Variants in SLC35F3 observed in about 807,000 individuals in gnomAD.
SLC35F3 encodes the protein putative thiamine transporter SLC35F3.
SLC35F3 carries 25 observed loss-of-function variants against 49.9 expected under a neutral mutation model. That is an observed-to-expected ratio of 0.50 (90% CI 0.37 to 0.70). The LOEUF (loss-of-function observed/expected upper bound fraction) is 0.70. SLC35F3 is among the 30% of genes least tolerant of loss of function. SLC35F3 has a pLI of 0.00. For synonymous variants in SLC35F3, 275 were observed against 265.4 expected, an observed-to-expected ratio of 1.04 and a Z score of -0.35; for missense variants, 525 against 639.8, an observed-to-expected ratio of 0.82 and a Z score of 1.94.
intron 2 of SLC35F3, among the ~76,000 whole-genome samples, chr1:234,125,095 G>A (rs1572061018): frequency 6.6e-6 from 1 of 151,706 alleles, no homozygotes. Context: ...AAATAATCCA[G>A]TGTGGCTCCT....
intron 2 of SLC35F3, among the ~76,000 whole-genome samples, chr1:234,067,529 G>A (rs1042390225): frequency 1.1e-4 from 17 of 152,310 alleles, no homozygotes; most frequent in Admixed American, 1.0e-3. Context: ...CAGCTGACTT[G>A]CTTAGCCTAA....
chr1:234,142,552 T>C (rs943625700), intron 2 of SLC35F3, among the ~76,000 whole-genome samples: 1 of 152,148 alleles, frequency 6.6e-6, no homozygotes, highest in Non-Finnish European at 1.5e-5. Context: ...GGAGTTTCAT[T>C]TTCATTAAAT....
Position 234,047,813 on chromosome 1 carries a change from T to G in SLC35F3, c.283+142055T>G, listed in dbSNP as rs1664316505. Among the ~76,000 whole-genome samples the G allele has an allele frequency of 1.3e-5, 2 of 152,176 alleles. 1 individual carries two copies. Among genetic ancestry groups the G allele is most frequent in the African/African-American group, 4.8e-5 (2 of 41,436 alleles). On this transcript the variant is annotated intron_variant, in intron 2 of 7. Transcript: ENST00000366618. ...CCATGCTAGTAAAACATTAGATTAC[T>G]GTGAAGGGACTGTTGATAGAAATAT...
chr1:234,243,930 A>G (rs1667592828), intron 3 of SLC35F3, among the ~76,000 whole-genome samples: 1 of 152,228 alleles, frequency 6.6e-6, no homozygotes, highest in Non-Finnish European at 1.5e-5. Context: ...TCCCTGTTCC[A>G]CTGGCCACAT....
At chr1:234,316,832 C>T in intron 5 of SLC35F3, 105 bp downstream of exon 5, 3 of 1,398,658 alleles carry the variant, frequency 2.1e-6, no homozygotes, top group Non-Finnish European at 2.9e-6. Flanking sequence ...CTGATGATAC[C>T]TGTGCTTCAG....
intron 2 of SLC35F3, among the ~76,000 whole-genome samples, chr1:234,108,703 TA>T (rs56840744): frequency 1.0e-5 from 1 of 97,880 alleles, no homozygotes; most frequent in Non-Finnish European, 1.9e-5. Flanking sequence ...AAATATATAT[TA>T]TATATATAAA....
At position 234,227,971 on chromosome 1, in the gene SLC35F3, A is replaced by T. The variant is rs578132650; in HGVS notation, c.284-3446A>T. Among the ~76,000 whole-genome samples, 9 of 152,354 alleles carry T rather than the reference A, an allele frequency of 5.9e-5. No individual in the cohort carries two copies. The South Asian group carries it at 1.9e-3, about 32-fold the overall frequency. ...ATTTCCAATAGTAGAAAATAAATGC[A>T]TCTGCTAAGCAAAATTATTGTGTCA... On this transcript the variant is annotated intron_variant, in intron 2 of 7. Transcript: ENST00000366618.
intron 2 of SLC35F3, among the ~76,000 whole-genome samples, chr1:234,056,947 CT>C (rs1218543650): frequency 6.6e-6 from 1 of 152,170 alleles, no homozygotes; most frequent in African/African-American, 2.4e-5. Flanking sequence ...GTATTGGCAA[CT>C]TGTCAAAAAT....
At chr1:233,906,281 C>T (rs1441519858) in intron 2 of SLC35F3, among the ~76,000 whole-genome samples, 2 of 152,176 alleles carry the variant, frequency 1.3e-5, no homozygotes, top group East Asian at 3.9e-4. Context: ...TTTTATCGGT[C>T]TTCAGTAAGG....
chr1:234,039,798 C>T (rs1044607000), intron 2 of SLC35F3, among the ~76,000 whole-genome samples: 2 of 152,206 alleles, frequency 1.3e-5, no homozygotes, highest in South Asian at 4.1e-4. Context: ...CAGGAGCAAA[C>T]TCCATGCACG....
At chr1:234,262,632 A>G (rs372513291) in intron 3 of SLC35F3, among the ~76,000 whole-genome samples, 1 of 152,310 alleles carries the variant, frequency 6.6e-6, no homozygotes, top group East Asian at 1.9e-4. Flanking sequence ...GGACCTGAGT[A>G]TGCCAAATGA....
At chr1:234,048,025 A>C (rs1316543678) in intron 2 of SLC35F3, among the ~76,000 whole-genome samples, 1 of 152,078 alleles carries the variant, frequency 6.6e-6, no homozygotes, top group Non-Finnish European at 1.5e-5. Flanking sequence ...AGTTATTGGA[A>C]ATTGGAGGAA....
At chr1:234,255,763 G>C (rs1177794178) in intron 3 of SLC35F3, among the ~76,000 whole-genome samples, 1 of 152,186 alleles carries the variant, frequency 6.6e-6, no homozygotes, top group Non-Finnish European at 1.5e-5. Context: ...ACCCTGGAAG[G>C]GTTGGGGATG....
At chr1:234,192,070 A>G (rs1666740242) in intron 2 of SLC35F3, among the ~76,000 whole-genome samples, 1 of 152,180 alleles carries the variant, frequency 6.6e-6, no homozygotes, top group African/African-American at 2.4e-5. Flanking sequence ...CTATTCCACA[A>G]GACAGAGAAA....
At chr1:234,098,337 T>TTGGTGG (rs570257543) in intron 2 of SLC35F3, among the ~76,000 whole-genome samples, 1 of 110,340 alleles carries the variant, frequency 9.1e-6, no homozygotes, top group Admixed American at 8.9e-5. Context: ...GGTGATTGTG[T>TTGGTGG]TGGTGGTGGT....
At chr1:234,129,691 G>T (rs757596704) in intron 2 of SLC35F3, among the ~76,000 whole-genome samples, 12 of 152,154 alleles carry the variant, frequency 7.9e-5, no homozygotes, top group Non-Finnish European at 1.8e-4. Flanking sequence ...CGCTAATTAG[G>T]ACAGTGTAGT....
chr1:234,263,529 C>T (rs1667936633), intron 3 of SLC35F3, among the ~76,000 whole-genome samples: 1 of 152,052 alleles, frequency 6.6e-6, no homozygotes, highest in Non-Finnish European at 1.5e-5. Flanking sequence ...GGGAGGTTCT[C>T]AAAATGTGAT....
At chr1:234,249,997 G>A (rs531839655) in intron 3 of SLC35F3, among the ~76,000 whole-genome samples, 1 of 152,144 alleles carries the variant, frequency 6.6e-6, no homozygotes, top group East Asian at 1.9e-4. Flanking sequence ...ACAGTATGCC[G>A]TGTCTCCCAG....
intron 2 of SLC35F3, among the ~76,000 whole-genome samples, chr1:234,110,763 T>C (rs969022740): frequency 2.0e-5 from 3 of 152,228 alleles, no homozygotes; most frequent in Admixed American, 2.0e-4. Context: ...ATAGATCTTA[T>C]ACCCTCAGAC....
Sources: allele counts gnomAD v4.1 joint callset (sites outside exome capture counted in the v4.1 genomes callset), GRCh38; gene constraint gnomAD v4.1.1; transcripts MANE v1.5; gene names NCBI Gene and HGNC (gene_info 2026-07-23, HGNC 2026-07-21).